The following ZNF670 variants were observed in gnomAD, a reference collection of about 807,000 sequenced individuals.
ZNF670 encodes the protein zinc finger protein 670.
A neutral mutation model predicts 10.9 loss-of-function variants in ZNF670; 7 were observed. That is an observed-to-expected ratio of 0.64 (90% confidence interval 0.36 to 1.20). The LOEUF (loss-of-function observed/expected upper bound fraction) is 1.20, where lower values mean the gene tolerates loss of function less well. Among genes scored for constraint, ZNF670 ranks in the 50% most tolerant of loss-of-function variants. The pLI, the probability that ZNF670 is intolerant of heterozygous loss-of-function variation, is 0.02. For missense variants in ZNF670, 446 were observed against 458.6 expected (o/e 0.97, Z 0.25); for synonymous variants, 136 against 152.7 (o/e 0.89, Z 0.81).
At chr1:247,059,563 A>T (rs1372617562) in intron 1 of ZNF670, among the ~76,000 whole-genome samples, 1 of 152,218 alleles carries the variant, frequency 6.6e-6, no homozygotes, top group African/African-American at 2.4e-5. Context: ...TGATTCAAAA[A>T]GCAAAAACCA....
At chr1:247,053,402 G>T (rs1293823610) in intron 1 of ZNF670, among the ~76,000 whole-genome samples, 1 of 152,214 alleles carries the variant, frequency 6.6e-6, no homozygotes, top group African/African-American at 2.4e-5. Flanking sequence ...GGAGGCCGAG[G>T]TAGGTGGATC....
At chr1:247,067,010 T>C (rs1670995477) in intron 1 of ZNF670, among the ~76,000 whole-genome samples, 1 of 152,232 alleles carries the variant, frequency 6.6e-6, no homozygotes. Context: ...ATAGACATTA[T>C]TATGTCTCCC....
intron 1 of ZNF670, among the ~76,000 whole-genome samples, chr1:247,045,888 A>G (rs1303179147): frequency 1.3e-5 from 2 of 152,208 alleles, no homozygotes; most frequent in East Asian, 1.9e-4. Context: ...ATGAGGTCTT[A>G]GATGGAAATG....
At chr1:247,068,154 C>T (rs1490006922) in intron 1 of ZNF670, among the ~76,000 whole-genome samples, 1 of 150,014 alleles carries the variant, frequency 6.7e-6, no homozygotes, top group Non-Finnish European at 1.5e-5. Flanking sequence ...CCCATCTCTA[C>T]TAAAGATACA....
At chr1:247,055,216 T>C (rs1670687787) in intron 1 of ZNF670, among the ~76,000 whole-genome samples, 3 of 152,254 alleles carry the variant, frequency 2.0e-5, no homozygotes, top group Admixed American at 1.3e-4. Context: ...GTCTCTTCCT[T>C]TGTGGGCACG....
At chr1:247,042,954 T>G (rs2103053980) in intron 1 of ZNF670, 1 of 700,554 alleles carries the variant, frequency 1.4e-6, no homozygotes, top group Non-Finnish European at 2.7e-6. Context: ...GACATTACAT[T>G]CGATACCAAT....
At position 247,037,640 on chromosome 1, in the gene ZNF670, G is replaced by C. The variant is rs765544070; in HGVS notation, c.979C>G (p.His327Asp). 1 of 1,613,978 alleles carries C rather than the reference G, an allele frequency of 6.2e-7. No homozygotes were observed. The highest frequency in any genetic ancestry group is 8.5e-7 in the Non-Finnish European group (1 of 1,179,956). The change falls in exon 4 of 4, where the codon CAT becomes GAT. Residue 327 changes from histidine to aspartate, a missense_variant. His to Asp is a moderately conservative substitution (Grantham distance 81, BLOSUM62 -1). Transcript: ENST00000366503. ...TTCACTCCAGTGTGAGTTCTTTCATGCTCACATAGGTTACTAGAATATTTG... is the reference window on the plus strand; with the variant it reads ...TTCACTCCAGTGTGAGTTCTTTCATCCTCACATAGGTTACTAGAATATTTG... ...AFKYSSNLCE[H>D]ERTHTGVKPY...
intron 1 of ZNF670, among the ~76,000 whole-genome samples, chr1:247,055,851 A>C (rs1404028142): frequency 1.3e-5 from 2 of 152,230 alleles, no homozygotes; most frequent in African/African-American, 2.4e-5. Context: ...AAACCAAAAA[A>C]AGAATAGCTA....
rs925313874 is a variant in ZNF670, at chr1:247,036,509, A to G, written c.*940T>C. Among the ~76,000 whole-genome samples, 4 of 152,148 alleles carry G rather than the reference A, an allele frequency of 2.6e-5. No homozygotes were observed. The highest frequency in any genetic ancestry group is 7.2e-5 in the African/African-American group (3 of 41,426). On this transcript the variant is annotated 3_prime_UTR_variant, in exon 4 of 4. Coordinates refer to ENST00000366503, the MANE Select transcript of ZNF670 (RefSeq NM_033213.5). Reference sequence around the variant, plus strand: ...CTCTATAAAAAATTTTTAAAATTATATAATTAGCTGAGCATGGTGGCATGT... The same window carrying G: ...CTCTATAAAAAATTTTTAAAATTATGTAATTAGCTGAGCATGGTGGCATGT...
Position 247,039,557 on chromosome 1 carries a change from T to C in ZNF670, c.4-20A>G. 3.9e-6 allele frequency: 6 copies of C among 1,552,750 alleles called. No individual in the cohort carries two copies. The highest frequency in any genetic ancestry group is 5.2e-6 in the Non-Finnish European group (6 of 1,154,602). ...TGAATCCTAGAATATCGCACATATG[T>C]GGAGAGGAGGATGGCTTAGACAGAC... is the stretch of plus-strand genomic sequence containing the variant. On this transcript the variant is annotated intron_variant, in intron 1 of 3. Transcript: ENST00000366503.
At chr1:247,073,361 G>A (rs985220012) in intron 1 of ZNF670, among the ~76,000 whole-genome samples, 1 of 152,110 alleles carries the variant, frequency 6.6e-6, no homozygotes, top group African/African-American at 2.4e-5. Flanking sequence ...TCTCAAGGTG[G>A]AGATACAGCC....
In ZNF670 at chr1:247,042,643, C is replaced by T. The variant is rs988303221; in HGVS notation, c.4-3106G>A. 40 of 255,932 alleles carry T rather than the reference C, an allele frequency of 1.6e-4. 1 individual carries two copies. The South Asian group carries it at 1.6e-3, about 10-fold the overall frequency. The allele number at this position is 255,932 out of a possible 1,614,324, so 15.9% of individuals were successfully genotyped here. A position where few individuals can be genotyped will look rare whatever the true frequency, so the allele number is the denominator to read the frequency against. On this transcript the variant is annotated intron_variant, in intron 1 of 3. Coordinates refer to ENST00000366503, the MANE Select transcript of ZNF670 (RefSeq NM_033213.5). ...TTGTTTTCACCATATCCTGATGTGA[C>T]GTCAGAAGTAGAAGAAAGTAAGTTT... is the stretch of plus-strand genomic sequence containing the variant.
At chr1:247,046,687 G>A (rs770438106) in intron 1 of ZNF670, among the ~76,000 whole-genome samples, 2 of 152,160 alleles carry the variant, frequency 1.3e-5, no homozygotes, top group Non-Finnish European at 2.9e-5. Flanking sequence ...CCCCCACACA[G>A]AGTCCCCACA....
intron 1 of ZNF670, among the ~76,000 whole-genome samples, chr1:247,076,658 C>CTTT (rs553387815): frequency 0.2 from 28,499 of 139,632 alleles, 3,614 homozygotes; most frequent in African/African-American, 0.34. Context: ...AATAAACTCT[C>CTTT]TTTTTTTTTT....
At chr1:247,042,990 A>C (rs1295524015) in intron 1 of ZNF670, 1 of 748,742 alleles carries the variant, frequency 1.3e-6, no homozygotes, top group Non-Finnish European at 2.4e-6. Flanking sequence ...GTGATCTGGA[A>C]AAGGAGATGC....
intron 1 of ZNF670, among the ~76,000 whole-genome samples, chr1:247,062,222 T>A (rs1670875567): frequency 6.6e-6 from 1 of 152,150 alleles, no homozygotes; most frequent in Non-Finnish European, 1.5e-5. Context: ...AACGTATTCA[T>A]TTTCTGCACC....
intron 1 of ZNF670, among the ~76,000 whole-genome samples, chr1:247,054,820 A>G (rs1299829468): frequency 3.3e-5 from 5 of 152,196 alleles, no homozygotes; most frequent in Non-Finnish European, 7.3e-5. Flanking sequence ...TCAAATAATA[A>G]TAATAATAAT....
intron 1 of ZNF670, among the ~76,000 whole-genome samples, chr1:247,070,988 A>G (rs756713637): frequency 7.2e-5 from 11 of 152,360 alleles, no homozygotes; most frequent in Middle Eastern, 3.4e-3. Flanking sequence ...GCGAGGTTGC[A>G]GAGAAAAGGG....
At chr1:247,053,147 G>A (rs906705370) in intron 1 of ZNF670, among the ~76,000 whole-genome samples, 11 of 152,260 alleles carry the variant, frequency 7.2e-5, no homozygotes, top group African/African-American at 2.4e-4. Flanking sequence ...CCCAGCACCC[G>A]AGCTTATATG....
Sources: allele counts gnomAD v4.1 joint callset (sites outside exome capture counted in the v4.1 genomes callset), GRCh38; gene constraint gnomAD v4.1.1; transcripts MANE v1.5; gene names NCBI Gene and HGNC (gene_info 2026-07-23, HGNC 2026-07-21).